The following AKAP7 variants were observed in gnomAD, a reference collection of about 807,000 sequenced individuals.
The protein encoded by AKAP7 is A kinase (PRKA) anchor protein 7.
In AKAP7, 39 loss-of-function variants were observed where a neutral mutation model predicts 39.5. The ratio of observed to expected loss-of-function variants is 0.99; its 90% CI spans 0.76 to 1.29. The LOEUF (loss-of-function observed/expected upper bound fraction) is 1.29, where lower values mean the gene tolerates loss of function less well. Ranked by LOEUF, AKAP7 falls within the 50% of genes most tolerant of loss-of-function variation. The pLI is 0.00. For synonymous variants in AKAP7, 140 were observed against 139.1 expected (o/e 1.01, Z -0.05); for missense variants, 414 against 407.7 (o/e 1.02, Z -0.13).
chr6:131,210,618 C>T (rs76986934), intron 6 of AKAP7, among the ~76,000 whole-genome samples: 2 of 152,186 alleles, frequency 1.3e-5, no homozygotes, highest in African/African-American at 4.8e-5. Context: ...CTCTTCCTTC[C>T]TTGGGGATTG....
At chr6:131,253,037 G>A in intron 7 of AKAP7, 1 of 1,613,392 alleles carries the variant, frequency 6.2e-7, no homozygotes, top group Non-Finnish European at 8.5e-7. Context: ...CAAAACACAG[G>A]TGAGTTGGAA....
At position 131,156,600 on chromosome 6, in the gene AKAP7, ACT is replaced by A. The variant is rs535921813; in HGVS notation, c.152-3458_152-3457del. Reference sequence around the variant, plus strand: ...GGTTACAGTGAGCTATGATTGCATCACTGCACTCCAGCCTGGGTGACAGAGTG... The same window carrying A: ...GGTTACAGTGAGCTATGATTGCATCAGCACTCCAGCCTGGGTGACAGAGTG... On this transcript the variant is annotated intron_variant, in intron 2 of 7. Coordinates refer to ENST00000431975, the MANE Select transcript of AKAP7 (RefSeq NM_016377.4). Among the ~76,000 whole-genome samples the A allele has an allele frequency of 1.2e-3, 186 of 152,254 alleles. 1 individual carries two copies. The highest frequency in any genetic ancestry group is 3.7e-3 in the African/African-American group (155 of 41,558).
chr6:131,134,172 A>C (rs1241049856), upstream of AKAP7, among the ~76,000 whole-genome samples: 1 of 152,100 alleles, frequency 6.6e-6, no homozygotes, highest in East Asian at 1.9e-4. Flanking sequence ...GGGTTTTGCT[A>C]TGTTGCCCAG....
chr6:131,206,134 T>G (rs1808075663), intron 6 of AKAP7, among the ~76,000 whole-genome samples: 1 of 152,226 alleles, frequency 6.6e-6, no homozygotes, highest in Admixed American at 6.5e-5. Context: ...AAAATAAATG[T>G]GATAACATCC....
At chr6:131,241,569 T>TTA (rs761745804) in intron 7 of AKAP7, among the ~76,000 whole-genome samples, 1,343 of 95,838 alleles carry the variant, frequency 0.014, 46 homozygotes, top group African/African-American at 0.024. Flanking sequence ...AGGACATAGA[T>TTA]TATATATATG....
At chr6:131,144,259 C>G (rs954579194) in intron 1 of AKAP7, among the ~76,000 whole-genome samples, 1 of 151,906 alleles carries the variant, frequency 6.6e-6, no homozygotes, top group African/African-American at 2.4e-5. Flanking sequence ...CATGGCCCAT[C>G]CCCAATGAGC....
intron 2 of AKAP7, among the ~76,000 whole-genome samples, chr6:131,148,076 A>G (rs1801618289): frequency 6.6e-6 from 1 of 152,212 alleles, no homozygotes; most frequent in South Asian, 2.1e-4. Context: ...TCTGAAAGCA[A>G]CAGCTGTTTC....
chr6:131,169,148 T>C lies in AKAP7; in HGVS notation c.464T>C (p.Ile155Thr), dbSNP rs747893725. The change falls in exon 5 of 8, where the codon ATA (isoleucine) becomes ACA (threonine). Residue 155 changes from isoleucine to threonine, a missense_variant. Physicochemically the swap from Ile to Thr is moderately conservative, Grantham distance 89 (BLOSUM62 -1). Transcript: ENST00000431975. ...IDALLELKPF[I>T]EELLQGKHLT... ...GCTCTTTTGGAATTGAAACCATTCA[T>C]AGAAGAACTCCTCCAGGGAAAACAT... 2 of 1,613,532 alleles carry C rather than the reference T, an allele frequency of 1.2e-6. No homozygotes were observed. The highest frequency in any genetic ancestry group is 1.7e-6 in the Non-Finnish European group (2 of 1,179,504).
At chr6:131,175,443 A>G (rs1044598168) in intron 5 of AKAP7, among the ~76,000 whole-genome samples, 15 of 152,234 alleles carry the variant, frequency 9.9e-5, no homozygotes, top group Admixed American at 2.0e-4. Context: ...AAAGTGTTAC[A>G]TAGTTCTTAG....
At chr6:131,210,029 G>C (rs1043202104) in intron 6 of AKAP7, among the ~76,000 whole-genome samples, 2 of 152,196 alleles carry the variant, frequency 1.3e-5, no homozygotes, top group African/African-American at 2.4e-5. Flanking sequence ...TCTGTCACTG[G>C]AAAGATTGGC....
chr6:131,180,761 T>G (rs2128254898), intron 5 of AKAP7, among the ~76,000 whole-genome samples: 1 of 152,158 alleles, frequency 6.6e-6, no homozygotes, highest in Middle Eastern at 3.4e-3. Flanking sequence ...GATTTATTCA[T>G]ACAACTGAGG....
At chr6:131,127,186 C>T in the AKAP7 span, among the ~76,000 whole-genome samples, 1 of 152,042 alleles carries the variant, frequency 6.6e-6, no homozygotes, top group Non-Finnish European at 1.5e-5. Context: ...GCTGGGATTA[C>T]AGGCATATGC....
At chr6:131,152,805 C>T (rs1431476717) in intron 2 of AKAP7, among the ~76,000 whole-genome samples, 1 of 98,824 alleles carries the variant, frequency 1.0e-5, no homozygotes, top group East Asian at 3.0e-4. Flanking sequence ...GCAGCCTGGG[C>T]AACAAAGCAA....
intron 7 of AKAP7, among the ~76,000 whole-genome samples, chr6:131,256,490 C>T (rs1233026034): frequency 2.6e-5 from 4 of 152,016 alleles, no homozygotes. Context: ...TGAATAATTT[C>T]CATGAGGAAT....
chr6:131,156,645 A>T (rs905808377), intron 2 of AKAP7, among the ~76,000 whole-genome samples: 3 of 152,168 alleles, frequency 2.0e-5, no homozygotes, highest in Admixed American at 2.0e-4. Flanking sequence ...ATCGCAAAAC[A>T]AAACAAAAAA....
intron 6 of AKAP7, among the ~76,000 whole-genome samples, chr6:131,207,439 C>T (rs1476581581): frequency 6.7e-6 from 1 of 149,318 alleles, no homozygotes; most frequent in African/African-American, 2.5e-5. Flanking sequence ...CCTGCCTCAG[C>T]CTCCTGAGTA....
At chr6:131,162,010 C>T (rs980478646) in intron 3 of AKAP7, among the ~76,000 whole-genome samples, 6 of 152,160 alleles carry the variant, frequency 3.9e-5, no homozygotes, top group African/African-American at 1.4e-4. Flanking sequence ...GTCACTTTCC[C>T]TAGGCCGCTC....
chr6:131,172,073 C>G (rs1804107849), intron 5 of AKAP7, among the ~76,000 whole-genome samples: 1 of 151,720 alleles, frequency 6.6e-6, no homozygotes, highest in African/African-American at 2.4e-5. Context: ...GTTGACGTCA[C>G]AAAGAAAAAC....
intron 7 of AKAP7, among the ~76,000 whole-genome samples, chr6:131,253,655 T>G (rs1562245911): frequency 7.5e-6 from 1 of 132,734 alleles, no homozygotes; most frequent in Non-Finnish European, 1.7e-5. Context: ...CTCCATGAGA[T>G]CTACTTATTT....
Sources: allele counts gnomAD v4.1 joint callset (sites outside exome capture counted in the v4.1 genomes callset), GRCh38; gene constraint gnomAD v4.1.1; transcripts MANE v1.5; gene names NCBI Gene and HGNC (gene_info 2026-07-23, HGNC 2026-07-21).